The following GFRA1 variants were observed in gnomAD, a reference collection of about 807,000 sequenced individuals.
The protein encoded by GFRA1 is GDNF family receptor alpha 1.
In GFRA1, 16 loss-of-function variants were observed where a neutral mutation model predicts 51.6. The ratio of observed to expected loss-of-function variants is 0.31; its 90% CI spans 0.21 to 0.47. The LOEUF (loss-of-function observed/expected upper bound fraction) is 0.47. GFRA1 is among the 20% of genes least tolerant of loss of function. GFRA1 has a pLI of 1.00. For missense variants in GFRA1, 530 were observed against 594.3 expected, an observed-to-expected ratio of 0.89 and a Z score of 1.13; for synonymous variants, 270 against 241.3, an observed-to-expected ratio of 1.12 and a Z score of -1.10.
intron 6 of GFRA1, among the ~76,000 whole-genome samples, chr10:116,117,410 T>C (rs1957452488): frequency 6.6e-6 from 1 of 152,042 alleles, no homozygotes; most frequent in Non-Finnish European, 1.5e-5. Context: ...ACTTTGTCCC[T>C]TCCTGCCAGA....
In GFRA1 at chr10:116,065,605, C is replaced by T; in HGVS notation, c.1219G>A (p.Val407Met). The T allele has an allele frequency of 6.2e-7, 1 of 1,613,572 alleles. No homozygotes were observed. Among genetic ancestry groups the T allele is most frequent in the Non-Finnish European group, 8.5e-7 (1 of 1,179,662 alleles). ...ATACAGAGGTGTGTATTGCCCGACA[C>T]ATTGGATTTCAGCTTCTGTGCCTGG... ...NLQAQKLKSN[V>M]SGNTHLCISN... is the part of the protein sequence containing the mutation. Residue 407 changes from valine to methionine, a missense_variant, in exon 10 of 11, where the codon GTG (valine) becomes ATG (methionine). Coordinates refer to ENST00000355422, the MANE Select transcript of GFRA1 (RefSeq NM_005264.8).
chr10:116,213,898 C>A (rs1965380012), intron 4 of GFRA1, among the ~76,000 whole-genome samples: 4 of 152,150 alleles, frequency 2.6e-5, no homozygotes, highest in Admixed American at 2.6e-4. Context: ...ATCACCATTT[C>A]TTTTACACTC....
At chr10:116,182,612 CAA>C (rs1380785401) in intron 5 of GFRA1, among the ~76,000 whole-genome samples, 1 of 152,174 alleles carries the variant, frequency 6.6e-6, no homozygotes, top group Non-Finnish European at 1.5e-5. Flanking sequence ...AGAAATGACC[CAA>C]AAAGCAGCTC....
At chr10:116,233,239 C>A (rs188960029) in intron 4 of GFRA1, among the ~76,000 whole-genome samples, 2 of 151,928 alleles carry the variant, frequency 1.3e-5, no homozygotes, top group East Asian at 3.9e-4. Flanking sequence ...GAGGCAGGAG[C>A]ATCCCTTGAA....
At chr10:116,237,161 G>A (rs931561387) in intron 4 of GFRA1, among the ~76,000 whole-genome samples, 4 of 152,268 alleles carry the variant, frequency 2.6e-5, no homozygotes, top group East Asian at 1.9e-4. Context: ...ATACATAAGC[G>A]TCTTTTTTAT....
chr10:116,096,611 T>C (rs1956588392), intron 7 of GFRA1, 44 bp downstream of exon 7: 5 of 1,085,366 alleles, frequency 4.6e-6, no homozygotes, highest in Non-Finnish European at 5.7e-6. Flanking sequence ...CGCAGGTATA[T>C]GCAAACCACA....
intron 5 of GFRA1, among the ~76,000 whole-genome samples, chr10:116,163,451 C>T (rs373226917): frequency 5.9e-5 from 9 of 152,336 alleles, no homozygotes; most frequent in African/African-American, 1.7e-4. Flanking sequence ...CCAGCATCAC[C>T]GTGGTGCCTT....
chr10:116,215,319 A>C, intron 4 of GFRA1, among the ~76,000 whole-genome samples: 1 of 152,194 alleles, frequency 6.6e-6, no homozygotes, highest in East Asian at 1.9e-4. Context: ...GTGGATGTCA[A>C]AGGATATTAG....
intron 4 of GFRA1, 54 bp from the exon 5 acceptor site, chr10:116,211,699 A>G: frequency 7.3e-7 from 1 of 1,364,132 alleles, no homozygotes; most frequent in Non-Finnish European, 1.0e-6. Context: ...GAGAGGAGAA[A>G]AAATATTAAT....
At chr10:116,163,174 C>G (rs1319959466) in intron 5 of GFRA1, among the ~76,000 whole-genome samples, 1 of 152,122 alleles carries the variant, frequency 6.6e-6, no homozygotes, top group Non-Finnish European at 1.5e-5. Context: ...TTCTCTGGCT[C>G]TAAGGAAAGA....
chr10:116,123,145 G>C (rs749094985), intron 6 of GFRA1, among the ~76,000 whole-genome samples: 1 of 152,156 alleles, frequency 6.6e-6, no homozygotes, highest in Admixed American at 6.5e-5. Flanking sequence ...AGGGTGCTTC[G>C]ACACCCTAAT....
At chr10:116,087,505 A>G (rs192434034) in intron 9 of GFRA1, among the ~76,000 whole-genome samples, 245 of 152,354 alleles carry the variant, frequency 1.6e-3, no homozygotes, top group Non-Finnish European at 2.6e-3. Context: ...TCTAAAACAG[A>G]GAAGGGACTT....
chr10:116,233,651 C>T (rs79206082), intron 4 of GFRA1, among the ~76,000 whole-genome samples: 4,577 of 152,238 alleles, frequency 0.03, 209 homozygotes, highest in African/African-American at 0.1. Context: ...AGTCAGCTGT[C>T]CCAGCTCCCC....
chr10:116,225,593 CT>C (rs1966234992), intron 4 of GFRA1, among the ~76,000 whole-genome samples: 1 of 107,784 alleles, frequency 9.3e-6, no homozygotes, highest in Non-Finnish European at 2.1e-5. Flanking sequence ...CTGTGTGAAA[CT>C]AATTTTTTTT....
At position 116,057,915 on chromosome 10, in the gene GFRA1, A is replaced by G. The variant is rs1030150063; in HGVS notation, c.*6483T>C. 2.6e-5 allele frequency: 4 copies of G among 151,766 alleles called. No individual in the cohort carries two copies. The highest frequency in any genetic ancestry group is 6.6e-5 in the Admixed American group (1 of 15,224). 9.4% of individuals were successfully genotyped at this position (151,766 alleles called of 1,614,324 possible). On this transcript the variant is annotated 3_prime_UTR_variant, in exon 11 of 11. Coordinates refer to ENST00000355422, the MANE Select transcript of GFRA1 (RefSeq NM_005264.8). The stretch of plus-strand genomic sequence containing the variant: ...TCAGCTACAGCTAAAAAATAATAAT[A>G]ATAAAAAAAAATTCCCGATCAAGCA...
At chr10:116,104,688 G>C (rs901838653) in intron 6 of GFRA1, among the ~76,000 whole-genome samples, 2 of 152,182 alleles carry the variant, frequency 1.3e-5, no homozygotes, top group African/African-American at 4.8e-5. Flanking sequence ...GTTGGCATCT[G>C]ATCAATTTTG....
chr10:116,178,298 C>CT (rs1491125429), intron 5 of GFRA1, among the ~76,000 whole-genome samples: 9 of 34,784 alleles, frequency 2.6e-4, no homozygotes, highest in African/African-American at 6.6e-4. Flanking sequence ...CCACAAGGGG[C>CT]CGGGGGGGCG....
intron 4 of GFRA1, among the ~76,000 whole-genome samples, chr10:116,252,152 A>G (rs1229632027): frequency 1.3e-5 from 2 of 151,770 alleles, no homozygotes; most frequent in Non-Finnish European, 2.9e-5. Flanking sequence ...TCTGCTCTTA[A>G]TAGGAAAATT....
chr10:116,111,130 T>C (rs1957193808), intron 6 of GFRA1, among the ~76,000 whole-genome samples: 2 of 152,152 alleles, frequency 1.3e-5, no homozygotes, highest in Admixed American at 1.3e-4. Flanking sequence ...CTTATTCGAA[T>C]AGCCCAGGCC....
Sources: gnomAD v4.1 joint callset for allele counts (sites outside exome capture counted in the v4.1 genomes callset) on GRCh38, gnomAD v4.1.1 for gene constraint, MANE v1.5 for transcripts, NCBI Gene and HGNC (gene_info 2026-07-23, HGNC 2026-07-21) for gene names.